Variants in ZNF717 observed in about 807,000 individuals in gnomAD.
ZNF717 encodes the protein zinc finger protein 717.
Under a neutral mutation model 13.8 loss-of-function variants are expected in ZNF717, and 9 were observed. The ratio of observed to expected loss-of-function variants is 0.65; its 90% confidence interval spans 0.39 to 1.14. ZNF717 has a LOEUF of 1.14. ZNF717 is among the 50% of genes most tolerant of loss of function. The pLI is 0.01. For missense variants in ZNF717, 1,040 were observed against 1,080.7 expected (o/e 0.96, Z 0.53); for synonymous variants, 327 against 364.1 (o/e 0.90, Z 1.16).
downstream of ZNF717, among the ~76,000 whole-genome samples, chr3:75,735,488 G>GTGTATACTTGTAGTCCTAGCTAAT (rs1939050698): frequency 2.1e-5 from 1 of 48,250 alleles, no homozygotes; most frequent in Admixed American, 2.2e-4. Flanking sequence ...AGGTATTGTG[G>GTGTATACTTGTAGTCCTAGCTAAT]TGCATACTTG....
intron 2 of ZNF717, among the ~76,000 whole-genome samples, chr3:75,782,076 G>A (rs538487999): frequency 2.7e-4 from 41 of 151,490 alleles, no homozygotes; most frequent in Non-Finnish European, 5.6e-4. Flanking sequence ...TCCTGAACTC[G>A]TCTCAAAGTG....
intron 5 of ZNF717, among the ~76,000 whole-genome samples, chr3:75,712,406 T>C (rs1575716815): frequency 6.6e-6 from 1 of 152,246 alleles, no homozygotes; most frequent in Admixed American, 6.5e-5. Flanking sequence ...TTTGTATTAG[T>C]GTATTTTTAA....
chr3:75,699,995 A>G lies in ZNF717; in HGVS notation n.1085+11192T>C, dbSNP rs1937653394. 7.2e-5 allele frequency among the ~76,000 whole-genome samples: 11 copies of G among 152,394 alleles called. No individual in the cohort carries two copies. The South Asian group carries it at 2.3e-3, about 32-fold the overall frequency. On this transcript the variant is annotated intron_variant and non_coding_transcript_variant, in intron 6 of 6. Transcript: ENST00000648506. ...ACACTGACAAAAGAAATGAAAGAGGACCCAAAAATTGGAAAGATATTTTTA... is the reference window on the plus strand; with the variant it reads ...ACACTGACAAAAGAAATGAAAGAGGGCCCAAAAATTGGAAAGATATTTTTA...
intron 6 of ZNF717, among the ~76,000 whole-genome samples, chr3:75,699,921 G>C (rs59077912): frequency 3.8e-5 from 1 of 26,024 alleles, no homozygotes; most frequent in African/African-American, 2.2e-4. Flanking sequence ...ATCAAAATGT[G>C]TGGGAATTTA....
chr3:75,758,112 CAAAA>C (rs111361124), intron 2 of ZNF717, among the ~76,000 whole-genome samples: 148 of 64,544 alleles, frequency 2.3e-3, no homozygotes, highest in African/African-American at 5.3e-3. Context: ...GACTCCATCT[CAAAA>C]AAAAAAAAAA....
chr3:75,698,887 C>A (rs1222884480), intron 6 of ZNF717, among the ~76,000 whole-genome samples: 9 of 152,248 alleles, frequency 5.9e-5, no homozygotes, highest in African/African-American at 1.9e-4. Context: ...CTGGAAAAGC[C>A]AGAGGCACAC....
downstream of ZNF717, among the ~76,000 whole-genome samples, chr3:75,727,297 G>A (rs1938304740): frequency 6.6e-6 from 1 of 152,192 alleles, no homozygotes; most frequent in Non-Finnish European, 1.5e-5. Flanking sequence ...TATGAAATCA[G>A]TGCACCCTGA....
At chr3:75,752,285 C>T (rs1575841467) in intron 2 of ZNF717, among the ~76,000 whole-genome samples, 1 of 140,722 alleles carries the variant, frequency 7.1e-6, no homozygotes, top group South Asian at 2.4e-4. Context: ...GATAAGATTC[C>T]AGAACACGGC....
chr3:75,747,763 G>A (rs1424660583), intron 2 of ZNF717, among the ~76,000 whole-genome samples: 1 of 152,136 alleles, frequency 6.6e-6, no homozygotes, highest in Non-Finnish European at 1.5e-5. Flanking sequence ...ATTTTGGGCT[G>A]AGATGATGGG....
At chr3:75,745,602 C>G (rs1354597403) in intron 2 of ZNF717, among the ~76,000 whole-genome samples, 8 of 152,030 alleles carry the variant, frequency 5.3e-5, no homozygotes, top group Non-Finnish European at 1.0e-4. Context: ...TATGTATCCT[C>G]TGATTAACAT....
At chr3:75,775,998 G>C (rs972889674) in intron 2 of ZNF717, among the ~76,000 whole-genome samples, 7 of 152,168 alleles carry the variant, frequency 4.6e-5, no homozygotes, top group Admixed American at 2.6e-4. Flanking sequence ...AAATTGTTTA[G>C]ACATATAATT....
downstream of ZNF717, among the ~76,000 whole-genome samples, chr3:75,731,433 G>A (rs1365807084): frequency 1.3e-5 from 2 of 152,022 alleles, no homozygotes; most frequent in Non-Finnish European, 1.5e-5. Context: ...GGTGGTGGGT[G>A]CCTGTAATCT....
rs113886717 is a variant in ZNF717, at chr3:75,750,036, G to T, written c.58-8300C>A. 1.7e-3 allele frequency among the ~76,000 whole-genome samples: 256 copies of T among 151,560 alleles called. 5 individuals carry two copies. Among genetic ancestry groups the T allele is most frequent in the African/African-American group, 5.4e-3 (220 of 41,112 alleles). On this transcript the variant is annotated intron_variant, in intron 2 of 4. Coordinates refer to ENST00000652011, the MANE Select transcript of ZNF717 (RefSeq NM_001290208.3). ...GTCTGAATATTTATCTCTCACATAG[G>T]ATTCCAGAACACTGCTACGAGGGTC...
exon 6 of ZNF717, chr3:75,710,354 A>C (rs1937906772): frequency 6.6e-6 from 1 of 152,238 alleles, no homozygotes; most frequent in Non-Finnish European, 1.5e-5. Context: ...TTCATAGAGA[A>C]ATTTATCCAG....
chr3:75,737,396 A>ACTTCTGACAAGATGTGC lies in ZNF717; in HGVS notation c.2226_2227insGCACATCTTGTCAGAAG (p.Ser743AlafsTer157). The stretch of plus-strand genomic sequence containing the variant: ...GTTCTATGATGTACAGTGAGGACTG[A>ACTTCTGACAAGATGTGC]CTTCTGACAAGGTTTTTCCACATTT... On this transcript the variant is annotated frameshift_variant, in exon 5 of 5. Transcript: ENST00000652011. LOFTEE classifies it low-confidence loss of function (END_TRUNC). 1.3e-6 allele frequency: 2 copies of ACTTCTGACAAGATGTGC among 1,553,178 alleles called. No individual in the cohort carries two copies. The highest frequency in any genetic ancestry group is 2.4e-5 in the South Asian group (2 of 84,116).
intron 2 of ZNF717, among the ~76,000 whole-genome samples, chr3:75,768,062 T>C (rs757995422): frequency 4.6e-5 from 7 of 152,108 alleles, no homozygotes; most frequent in Non-Finnish European, 8.8e-5. Context: ...GGACCAGGAC[T>C]GAGCGTCATT....
intron 2 of ZNF717, among the ~76,000 whole-genome samples, chr3:75,775,891 A>G (rs1034945489): frequency 2.0e-5 from 3 of 152,238 alleles, no homozygotes; most frequent in Non-Finnish European, 4.4e-5. Flanking sequence ...TTTAATAAAA[A>G]GACCAACTGG....
At chr3:75,769,472 A>G (rs1274212116) in intron 2 of ZNF717, among the ~76,000 whole-genome samples, 6 of 152,184 alleles carry the variant, frequency 3.9e-5, no homozygotes, top group Non-Finnish European at 8.8e-5. Context: ...TGACCCAGAA[A>G]ATTGTGATAT....
At chr3:75,776,063 C>A (rs1289218043) in intron 2 of ZNF717, among the ~76,000 whole-genome samples, 1 of 152,244 alleles carries the variant, frequency 6.6e-6, no homozygotes, top group Non-Finnish European at 1.5e-5. Flanking sequence ...GTTACCAGTG[C>A]CATGCACCTA....
Sources: gnomAD v4.1 joint callset for allele counts (sites outside exome capture counted in the v4.1 genomes callset) on GRCh38, gnomAD v4.1.1 for gene constraint, MANE v1.5 for transcripts, NCBI Gene and HGNC (gene_info 2026-07-23, HGNC 2026-07-21) for gene names.